PCDHGA4: variants seen among roughly 807,000 people sequenced by gnomAD.
The protein encoded by PCDHGA4 is protocadherin gamma subfamily A, 4.
PCDHGA4 carries 38 observed loss-of-function variants against 54.6 expected under a neutral mutation model. The observed-to-expected ratio is 0.70, with a 90% CI of 0.54 to 0.91. The LOEUF (loss-of-function observed/expected upper bound fraction) is 0.91. Among genes scored for constraint, PCDHGA4 ranks in the 40% least tolerant of loss-of-function variants. The pLI is 0.00. For synonymous variants in PCDHGA4, 511 were observed against 512.9 expected (o/e 1.00, Z 0.05); for missense variants, 1,298 against 1,220.9 (o/e 1.06, Z -0.94).
At chr5:141,370,531 T>C (rs373245420) in intron 1 of PCDHGA4, 8 of 1,613,822 alleles carry the variant, frequency 5.0e-6, no homozygotes, top group Middle Eastern at 1.6e-4. Flanking sequence ...AGGGGCTCGC[T>C]GGTAGGGAAC....
intron 2 of PCDHGA4, among the ~76,000 whole-genome samples, chr5:141,502,866 C>CTTTTTTCTT (rs2099816532): frequency 7.8e-6 from 1 of 128,046 alleles, no homozygotes; most frequent in African/African-American, 3.1e-5. Context: ...GACTCTCTGT[C>CTTTTTTCTT]TTTTTTTTTT....
rs1330784633 is a variant in PCDHGA4 at position 141,476,330 on chromosome 5, G to A, written c.2515-18477G>A. On this transcript the variant is annotated intron_variant, in intron 1 of 3. Transcript: ENST00000571252. This position sits in a 1 kb window ranked among gnomAD's most constrained non-coding sequence, Gnocchi z 7.6. ...CCGCAGGTTCCGGGTGGTGTCTGGA[G>A]CTAGCCGAAGATTCTTTGAGGTGAA... The A allele has an allele frequency of 1.2e-6, 2 of 1,614,092 alleles. No homozygotes were observed. The highest frequency in any genetic ancestry group is 1.6e-4 in the Middle Eastern group (1 of 6,084).
At chr5:141,414,270 T>G in intron 1 of PCDHGA4, 1 of 1,613,476 alleles carries the variant, frequency 6.2e-7, no homozygotes, top group Non-Finnish European at 8.5e-7. Context: ...AAGATTCACC[T>G]CTGGGAACAG....
At chr5:141,360,831 C>T (rs1179144705) in intron 1 of PCDHGA4, 1 of 1,613,838 alleles carries the variant, frequency 6.2e-7, no homozygotes. Flanking sequence ...GAATCAAAGT[C>T]ACGGATGCCA....
intron 1 of PCDHGA4, chr5:141,403,588 C>CGGTG (rs773103981): frequency 1.2e-6 from 2 of 1,613,904 alleles, no homozygotes; most frequent in East Asian, 2.2e-5. Flanking sequence ...ACCTGGTCCT[C>CGGTG]ACGGCCTCGG....
intron 1 of PCDHGA4, among the ~76,000 whole-genome samples, chr5:141,472,402 G>T (rs569497172): frequency 6.6e-6 from 1 of 152,042 alleles, no homozygotes; most frequent in Non-Finnish European, 1.5e-5. Context: ...TTAGCCAGGC[G>T]TGGTGGCACG....
rs189987196 is a variant in PCDHGA4, at chr5:141,420,754, C to T, written c.2514+63133C>T. Among the ~76,000 whole-genome samples, 291 of 152,292 alleles carry T rather than the reference C, an allele frequency of 1.9e-3. 2 individuals carry two copies. The highest frequency in any genetic ancestry group is 3.6e-3 in the Non-Finnish European group (248 of 68,020). On this transcript the variant is annotated intron_variant, in intron 1 of 3. Coordinates refer to ENST00000571252, the MANE Select transcript of PCDHGA4 (RefSeq NM_018917.4). ...TAAAATCAATTGGAACCAACTACAA[C>T]CTACAAGTTTTCAGCTCCAGTAATA... is the stretch of plus-strand genomic sequence containing the variant.
chr5:141,485,609 G>T lies in PCDHGA4; in HGVS notation c.2515-9198G>T. On this transcript the variant is annotated intron_variant, in intron 1 of 3. Coordinates refer to ENST00000571252, the MANE Select transcript of PCDHGA4 (RefSeq NM_018917.4). The surrounding 1 kb of genome is among the most constrained non-coding windows in gnomAD (Gnocchi z 5.7). ...GCTGGACTTGGAAATTGGGGAGGCA[G>T]CTCCTCCAGGACAGCGTTTCCCGTT... The T allele has an allele frequency of 6.2e-7, 1 of 1,612,256 alleles. No homozygotes were observed. Among genetic ancestry groups the T allele is most frequent in the Non-Finnish European group, 8.5e-7 (1 of 1,178,656 alleles).
chr5:141,446,260 TA>T (rs1207497940), intron 1 of PCDHGA4, among the ~76,000 whole-genome samples: 4 of 152,130 alleles, frequency 2.6e-5, no homozygotes, highest in Non-Finnish European at 4.4e-5. Context: ...GAAATATTAT[TA>T]ACTGAATAAA....
intron 3 of PCDHGA4, among the ~76,000 whole-genome samples, chr5:141,507,714 C>T (rs1425955843): frequency 6.6e-6 from 1 of 152,280 alleles, no homozygotes; most frequent in Non-Finnish European, 1.5e-5. Flanking sequence ...GCCCCAAACC[C>T]TCCAAGCAAG....
intron 1 of PCDHGA4, chr5:141,370,526 C>A: frequency 1.2e-6 from 2 of 1,613,860 alleles, no homozygotes; most frequent in Non-Finnish European, 8.5e-7. Flanking sequence ...TGGACAGGGG[C>A]TCGCTGGTAG....
chr5:141,365,362 C>T, intron 1 of PCDHGA4: 1 of 1,613,900 alleles, frequency 6.2e-7, no homozygotes, highest in East Asian at 2.2e-5. Flanking sequence ...ATGACAATGC[C>T]CCCGAAGTGA....
chr5:141,483,833 G>A (rs964111814), intron 1 of PCDHGA4, among the ~76,000 whole-genome samples: 1 of 152,116 alleles, frequency 6.6e-6, no homozygotes, highest in Admixed American at 6.5e-5. Flanking sequence ...CCTAGGTAAG[G>A]ACTTGGTTGA....
chr5:141,362,286 C>G (rs747463615), intron 1 of PCDHGA4: 2 of 1,614,082 alleles, frequency 1.2e-6, no homozygotes, highest in Non-Finnish European at 1.7e-6. Context: ...GCCTGCGACT[C>G]TCTTCCAGGT....
intron 1 of PCDHGA4, among the ~76,000 whole-genome samples, chr5:141,435,696 A>G (rs932132128): frequency 1.3e-5 from 2 of 152,204 alleles, no homozygotes; most frequent in East Asian, 1.9e-4. Context: ...TGCTTATTGT[A>G]GAGTGGTTAC....
chr5:141,418,749 C>A, intron 1 of PCDHGA4: 1 of 1,613,866 alleles, frequency 6.2e-7, no homozygotes, highest in South Asian at 1.1e-5. Flanking sequence ...CTGGATTACA[C>A]TACAGGAAAC....
At chr5:141,391,607 A>G (rs1436377162) in intron 1 of PCDHGA4, 1 of 152,212 alleles carries the variant, frequency 6.6e-6, no homozygotes, top group Non-Finnish European at 1.5e-5. Flanking sequence ...TTCAGATTTC[A>G]TGAGTGGTTT....
chr5:141,419,354 C>G (rs1444462815), intron 1 of PCDHGA4: 1 of 1,613,828 alleles, frequency 6.2e-7, no homozygotes, highest in Admixed American at 1.7e-5. Flanking sequence ...CCTGGAGTCA[C>G]GAACGCTGTC....
At chr5:141,407,969 A>C (rs900029714) in intron 1 of PCDHGA4, 1 of 708,308 alleles carries the variant, frequency 1.4e-6, no homozygotes, top group Non-Finnish European at 2.2e-6. Flanking sequence ...GCAAGCGCTG[A>C]CGCCGGGGAT....
Sources: allele counts gnomAD v4.1 joint callset (sites outside exome capture counted in the v4.1 genomes callset), GRCh38; gene constraint gnomAD v4.1.1; non-coding constraint Gnocchi (gnomAD v3.1); transcripts MANE v1.5; gene names NCBI Gene and HGNC (gene_info 2026-07-23, HGNC 2026-07-21).